Variants in PAPSS2 observed in about 807,000 individuals in gnomAD.
The protein encoded by PAPSS2 is 3'-phosphoadenosine 5'-phosphosulfate synthase 2.
Under a neutral mutation model 66.5 loss-of-function variants are expected in PAPSS2, and 61 were observed. The ratio of observed to expected loss-of-function variants is 0.92; its 90% CI spans 0.75 to 1.14. The LOEUF is 1.14. Among genes scored for constraint, PAPSS2 ranks in the 50% most tolerant of loss-of-function variants. The probability of loss-of-function intolerance (pLI) is 0.00; values close to 1 mark genes in which losing one functional copy is unlikely to be tolerated. For missense variants in PAPSS2, 708 were observed against 789.6 expected (o/e 0.90, Z 1.24); for synonymous variants, 289 against 287.5 (o/e 1.01, Z -0.05).
intron 8 of PAPSS2, among the ~76,000 whole-genome samples, chr10:87,724,829 G>C (rs1229714586): frequency 1.6e-5 from 1 of 63,124 alleles, no homozygotes; most frequent in Non-Finnish European, 2.9e-5. Context: ...TTATATATAG[G>C]TATACAATAA....
At chr10:87,726,781 TTTTC>T (rs2131720297) in intron 8 of PAPSS2, among the ~76,000 whole-genome samples, 1 of 152,362 alleles carries the variant, frequency 6.6e-6, no homozygotes, top group African/African-American at 2.4e-5. Flanking sequence ...TATCTGATTT[TTTTC>T]TTTGTTTTCA....
In PAPSS2 at chr10:87,659,907, C is replaced by CTG. The variant is rs1852725909; in HGVS notation, c.-75_-74insTG. On this transcript the variant is annotated 5_prime_UTR_variant, in exon 1 of 13. Coordinates refer to ENST00000456849, the MANE Select transcript of PAPSS2 (RefSeq NM_001015880.2). ...GCTGCTGCTGCTGCTGCTGCTGCTG[C>CTG]CGCCGCCGCCGCCGCCGTCCCTGCG... 25 of 1,451,008 alleles carry CTG rather than the reference C, an allele frequency of 1.7e-5. No homozygotes were observed. The highest frequency in any genetic ancestry group is 1.1e-4 in the African/African-American group (8 of 71,564). The allele number at this position is 1,451,008 out of a possible 1,614,324, so 89.9% of individuals were successfully genotyped here. A position where few individuals can be genotyped will look rare whatever the true frequency, so the allele number is the denominator to read the frequency against.
Position 87,746,369 on chromosome 10 carries a change from A to G in PAPSS2, c.*399A>G, listed in dbSNP as rs898581066. Reference sequence around the variant, plus strand: ...CTTCCAATGTCATTTATCAGTTGTAAAATATATCAGATTGTGTCCTCTTCT... The same window carrying G: ...CTTCCAATGTCATTTATCAGTTGTAGAATATATCAGATTGTGTCCTCTTCT... On this transcript the variant is annotated 3_prime_UTR_variant, in exon 13 of 13. Coordinates refer to ENST00000456849, the MANE Select transcript of PAPSS2 (RefSeq NM_001015880.2). 1.2e-5 allele frequency: 2 copies of G among 160,650 alleles called. No individual in the cohort carries two copies. The highest frequency in any genetic ancestry group is 4.8e-5 in the African/African-American group (2 of 41,416). The allele number at this position is 160,650 out of a possible 1,614,324, so 10.0% of individuals were successfully genotyped here.
At chr10:87,731,791 T>C (rs1015747913) in intron 9 of PAPSS2, among the ~76,000 whole-genome samples, 2 of 152,246 alleles carry the variant, frequency 1.3e-5, no homozygotes, top group Admixed American at 6.5e-5. Flanking sequence ...ACTGAATTGT[T>C]GCAATCTCAT....
At chr10:87,661,510 T>A (rs1394862674) in intron 1 of PAPSS2, among the ~76,000 whole-genome samples, 1 of 152,212 alleles carries the variant, frequency 6.6e-6, no homozygotes, top group Non-Finnish European at 1.5e-5. Context: ...TTTATATCAG[T>A]GGGGTTTTAA....
At chr10:87,724,660 T>TA (rs1853636035) in intron 8 of PAPSS2, among the ~76,000 whole-genome samples, 1 of 105,108 alleles carries the variant, frequency 9.5e-6, no homozygotes, top group Non-Finnish European at 1.8e-5. Flanking sequence ...TACATTATTT[T>TA]AATAAATTAT....
In PAPSS2 at chr10:87,724,424, C is replaced by CT. The variant is rs1316416439; in HGVS notation, c.880+2655dup. ...ACCTGTGGGATTGTTGGCTCCCACA[C>CT]TAAAGAACCCCCATAACTCTGTATT... is the stretch of plus-strand genomic sequence containing the variant. On this transcript the variant is annotated intron_variant, in intron 8 of 12. Transcript: ENST00000456849. 2.6e-5 allele frequency among the ~76,000 whole-genome samples: 4 copies of CT among 151,834 alleles called. No homozygotes were observed. In the East Asian group the frequency reaches 7.7e-4, roughly 29 times the overall value.
chr10:87,680,043 A>G (rs1209747145), intron 1 of PAPSS2, among the ~76,000 whole-genome samples: 1 of 151,302 alleles, frequency 6.6e-6, no homozygotes, highest in Non-Finnish European at 1.5e-5. Context: ...AAAAAAAAAA[A>G]GTCACTCTCA....
At chr10:87,708,241 C>T (rs1259843963) in intron 1 of PAPSS2, among the ~76,000 whole-genome samples, 2 of 152,166 alleles carry the variant, frequency 1.3e-5, no homozygotes, top group Admixed American at 1.3e-4. Flanking sequence ...AAAATAAAGA[C>T]ATTTGATATT....
chr10:87,732,724 T>C (rs544360079), intron 9 of PAPSS2, among the ~76,000 whole-genome samples: 5 of 152,268 alleles, frequency 3.3e-5, no homozygotes, highest in African/African-American at 7.2e-5. Flanking sequence ...TATGCCTGTA[T>C]TTTTTTCATC....
In PAPSS2 at chr10:87,700,960, C is replaced by T. The variant is rs904030804; in HGVS notation, c.28-8236C>T. On this transcript the variant is annotated intron_variant, in intron 1 of 12. Coordinates refer to ENST00000456849, the MANE Select transcript of PAPSS2 (RefSeq NM_001015880.2). ...AAAAATTGGTACAGTTTAATTGTAT[C>T]GAGGTAGCTAGAAGTTTGAAGAGTA... Among the ~76,000 whole-genome samples, 14 of 151,632 alleles carry T rather than the reference C, an allele frequency of 9.2e-5. No homozygotes were observed. The East Asian group carries it at 1.9e-3, about 21-fold the overall frequency.
At chr10:87,725,141 A>G (rs962438012) in intron 8 of PAPSS2, among the ~76,000 whole-genome samples, 2 of 152,168 alleles carry the variant, frequency 1.3e-5, no homozygotes, top group African/African-American at 2.4e-5. Flanking sequence ...ATCCCATCTA[A>G]AAAGTACCTC....
rs1853525523 is a variant in PAPSS2, at chr10:87,715,816, G to A, written c.838G>A (p.Val280Ile). 2 of 1,609,726 alleles carry A rather than the reference G, an allele frequency of 1.2e-6. No homozygotes were observed. Among genetic ancestry groups the A allele is most frequent in the Non-Finnish European group, 1.7e-6 (2 of 1,176,136 alleles). The change falls in exon 7 of 13, where the codon GTT becomes ATT. Residue 280 changes from valine to isoleucine, a missense_variant. Physicochemically the swap from Val to Ile is conservative, Grantham distance 29. Coordinates refer to ENST00000456849, the MANE Select transcript of PAPSS2 (RefSeq NM_001015880.2). The stretch of plus-strand genomic sequence containing the variant: ...CATGCGGGAGAAGGAGTACTTACAG[G>A]TTATGCACTTTGACACCCTGCTAGA... ...GFMREKEYLQ[V>I]MHFDTLLDGM... is the part of the protein sequence containing the mutation.
At chr10:87,682,941 G>C (rs972190812) in intron 1 of PAPSS2, among the ~76,000 whole-genome samples, 1 of 152,180 alleles carries the variant, frequency 6.6e-6, no homozygotes, top group Non-Finnish European at 1.5e-5. Flanking sequence ...GATGCTGCGC[G>C]TGCTTTCCCC....
chr10:87,684,767 C>T (rs531461841), intron 1 of PAPSS2, among the ~76,000 whole-genome samples: 3 of 152,074 alleles, frequency 2.0e-5, no homozygotes, highest in Non-Finnish European at 4.4e-5. Flanking sequence ...ATTTTGCTGA[C>T]GGGGAGATTG....
intron 1 of PAPSS2, among the ~76,000 whole-genome samples, chr10:87,666,751 T>C (rs1358863): frequency 6.6e-6 from 1 of 151,806 alleles, no homozygotes; most frequent in Non-Finnish European, 1.5e-5. Context: ...GGTCGTGGGG[T>C]ATGAATTTGG....
rs796685769 is a variant in PAPSS2 at position 87,697,777 on chromosome 10, C to T, written c.28-11419C>T. The stretch of plus-strand genomic sequence containing the variant: ...AGCCAGGGCTGGGTGGTTTATCATC[C>T]AATGGAAACTCCACAGTCTCTTCTC... On this transcript the variant is annotated intron_variant, in intron 1 of 12. Coordinates refer to ENST00000456849, the MANE Select transcript of PAPSS2 (RefSeq NM_001015880.2). 3.3e-5 allele frequency among the ~76,000 whole-genome samples: 5 copies of T among 152,164 alleles called. No homozygotes were observed. The South Asian group carries it at 1.0e-3, about 31-fold the overall frequency.
chr10:87,701,497 C>T (rs1418809850), intron 1 of PAPSS2, among the ~76,000 whole-genome samples: 1 of 151,300 alleles, frequency 6.6e-6, no homozygotes, highest in Non-Finnish European at 1.5e-5. Context: ...TAAGGGCTCA[C>T]TGCACCCTTG....
At chr10:87,665,068 G>C (rs993609293) in intron 1 of PAPSS2, among the ~76,000 whole-genome samples, 9 of 152,018 alleles carry the variant, frequency 5.9e-5, no homozygotes, top group Admixed American at 3.3e-4. Flanking sequence ...TTTTGACTGG[G>C]TATTTGTCAT....
Sources: gnomAD v4.1 joint callset for allele counts (sites outside exome capture counted in the v4.1 genomes callset) on GRCh38, gnomAD v4.1.1 for gene constraint, MANE v1.5 for transcripts, NCBI Gene and HGNC (gene_info 2026-07-23, HGNC 2026-07-21) for gene names.